Variants in TMCC1 observed in about 807,000 individuals in gnomAD.
TMCC1 encodes the protein transmembrane and coiled-coil domain family 1.
In TMCC1, 15 loss-of-function variants were observed where a neutral mutation model predicts 52.4. The ratio of observed to expected loss-of-function variants is 0.29; its 90% CI spans 0.19 to 0.44. TMCC1 has a LOEUF of 0.44. TMCC1 is among the 20% of genes least tolerant of loss of function. The pLI is 1.00. For synonymous variants in TMCC1, 279 were observed against 301.9 expected (o/e 0.92, Z 0.79); for missense variants, 503 against 806.0 (o/e 0.62, Z 4.55).
intron 4 of TMCC1, among the ~76,000 whole-genome samples, chr3:129,752,534 T>C (rs376407473): frequency 1.1e-3 from 163 of 152,084 alleles, no homozygotes; most frequent in African/African-American, 3.4e-3. Flanking sequence ...GGTGTGGTGG[T>C]GGGCACCTGT....
chr3:129,742,103 A>C (rs959090158), intron 4 of TMCC1, among the ~76,000 whole-genome samples: 4 of 152,148 alleles, frequency 2.6e-5, no homozygotes, highest in African/African-American at 9.6e-5. Context: ...ACATGGATGT[A>C]AATCTTTGTG....
intron 4 of TMCC1, among the ~76,000 whole-genome samples, chr3:129,682,288 T>C (rs1179209610): frequency 1.3e-5 from 2 of 152,186 alleles, no homozygotes; most frequent in Admixed American, 6.5e-5. Flanking sequence ...CACGTCACTA[T>C]GCCCAGCTAC....
chr3:129,886,475 T>C (rs1025889349), intron 1 of TMCC1, among the ~76,000 whole-genome samples: 2 of 152,206 alleles, frequency 1.3e-5, no homozygotes, highest in African/African-American at 4.8e-5. Flanking sequence ...GGCAGCATTA[T>C]TCATAATAGC....
At chr3:129,883,383 T>C (rs2061552495) in intron 1 of TMCC1, among the ~76,000 whole-genome samples, 1 of 151,724 alleles carries the variant, frequency 6.6e-6, no homozygotes. Context: ...GAGACCAACA[T>C]GGGAGGATTA....
intron 2 of TMCC1, among the ~76,000 whole-genome samples, chr3:129,874,498 A>G (rs912843855): frequency 1.3e-5 from 2 of 152,176 alleles, no homozygotes; most frequent in African/African-American, 4.8e-5. Context: ...GCTTAAGCCC[A>G]GGAGTTCAAG....
intron 4 of TMCC1, among the ~76,000 whole-genome samples, chr3:129,699,895 G>C (rs529657753): frequency 1.3e-5 from 2 of 152,222 alleles, no homozygotes; most frequent in Non-Finnish European, 2.9e-5. Context: ...CAGCCTGGGA[G>C]ACAGAGTGAA....
At chr3:129,764,227 G>T (rs568516705) in intron 4 of TMCC1, among the ~76,000 whole-genome samples, 39 of 152,316 alleles carry the variant, frequency 2.6e-4, no homozygotes, top group Admixed American at 9.2e-4. Flanking sequence ...AAGGACAGCA[G>T]CATTATTCAG....
intron 4 of TMCC1, among the ~76,000 whole-genome samples, chr3:129,794,809 C>T (rs1216207744): frequency 1.3e-5 from 2 of 152,142 alleles, no homozygotes; most frequent in African/African-American, 4.8e-5. Flanking sequence ...CAGGCAACTG[C>T]ACCAATTCCT....
At chr3:129,666,094 G>A (rs1220630213) in intron 5 of TMCC1, among the ~76,000 whole-genome samples, 3 of 152,190 alleles carry the variant, frequency 2.0e-5, no homozygotes, top group African/African-American at 7.2e-5. Context: ...GTCACAGAAG[G>A]ATCTGTGAAG....
chr3:129,833,972 T>C (rs551296867), intron 2 of TMCC1, among the ~76,000 whole-genome samples: 2 of 152,160 alleles, frequency 1.3e-5, no homozygotes, highest in African/African-American at 4.8e-5. Flanking sequence ...ATAAAGCATA[T>C]GACCCTGCCC....
intron 4 of TMCC1, among the ~76,000 whole-genome samples, chr3:129,754,781 A>G (rs1025245586): frequency 2.6e-5 from 4 of 152,222 alleles, no homozygotes; most frequent in Non-Finnish European, 5.9e-5. Context: ...AAAATCTTTT[A>G]AAAAACAGAA....
At chr3:129,812,669 A>G (rs1271488305) in intron 4 of TMCC1, among the ~76,000 whole-genome samples, 2 of 152,134 alleles carry the variant, frequency 1.3e-5, no homozygotes, top group Non-Finnish European at 2.9e-5. Context: ...TTAAGCTTAA[A>G]AAGATGAGGC....
At chr3:129,807,074 A>G (rs1195243684) in intron 4 of TMCC1, among the ~76,000 whole-genome samples, 1 of 152,214 alleles carries the variant, frequency 6.6e-6, no homozygotes. Context: ...CAAGCCCTAA[A>G]AGACTACATA....
At chr3:129,882,190 C>T (rs1409347503) in intron 1 of TMCC1, among the ~76,000 whole-genome samples, 1 of 151,918 alleles carries the variant, frequency 6.6e-6, no homozygotes, top group Non-Finnish European at 1.5e-5. Flanking sequence ...CAAAAACAAC[C>T]TGATAAAAAT....
At chr3:129,805,080 T>A (rs1393368950) in intron 4 of TMCC1, among the ~76,000 whole-genome samples, 1 of 152,216 alleles carries the variant, frequency 6.6e-6, no homozygotes, top group African/African-American at 2.4e-5. Context: ...GCTGGAGTTA[T>A]ATACCTTAAG....
intron 2 of TMCC1, among the ~76,000 whole-genome samples, chr3:129,834,136 G>A (rs1274419937): frequency 2.0e-5 from 3 of 152,146 alleles, no homozygotes; most frequent in Non-Finnish European, 4.4e-5. Flanking sequence ...GTTTGGGAAA[G>A]CCTGATGAAA....
chr3:129,836,903 G>A (rs1270271710), intron 2 of TMCC1, among the ~76,000 whole-genome samples: 1 of 152,166 alleles, frequency 6.6e-6, no homozygotes, highest in Admixed American at 6.5e-5. Context: ...CTCCACCCCC[G>A]TGGAGCTAAT....
At chr3:129,767,088 C>A (rs750922368) in intron 4 of TMCC1, among the ~76,000 whole-genome samples, 15 of 151,472 alleles carry the variant, frequency 9.9e-5, no homozygotes, top group Non-Finnish European at 2.1e-4. Flanking sequence ...AAGGTGAAAC[C>A]CTGTCTCTAC....
chr3:129,696,664 C>T (rs1275176445), intron 4 of TMCC1, among the ~76,000 whole-genome samples: 13 of 152,156 alleles, frequency 8.5e-5, no homozygotes, highest in African/African-American at 2.2e-4. Flanking sequence ...AAGTCTTTTC[C>T]GCCTATGAGC....
Sources: gnomAD v4.1 joint callset for allele counts (sites outside exome capture counted in the v4.1 genomes callset) on GRCh38, gnomAD v4.1.1 for gene constraint, MANE v1.5 for transcripts, NCBI Gene and HGNC (gene_info 2026-07-23, HGNC 2026-07-21) for gene names.